Variants in CARD8 observed in about 807,000 individuals in gnomAD.
CARD8 encodes caspase recruitment domain family member 8, also known as caspase recruitment domain-containing protein 8.
A neutral mutation model predicts 53.2 loss-of-function variants in CARD8; 38 were observed. That is an observed-to-expected ratio of 0.71 (90% CI 0.55 to 0.94). CARD8 has a LOEUF of 0.94. Ranked by LOEUF, CARD8 falls within the 40% of genes least tolerant of loss-of-function variation. The pLI is 0.00. For synonymous variants in CARD8, 245 were observed against 244.9 expected (o/e 1.00, Z 0.00); for missense variants, 561 against 655.5 (o/e 0.86, Z 1.57).
chr19:48,238,518 C>T lies in CARD8; in HGVS notation c.74G>A (p.Ser25Asn). Residue 25 changes from serine (S) to asparagine (N), a missense_variant, in exon 5 of 14, where the codon AGT becomes AAT. Physicochemically the swap from Ser to Asn is conservative, Grantham distance 46. Transcript: ENST00000651546. The stretch of plus-strand genomic sequence containing the variant: ...GAGTTTGGATGCATCTATGTTCCTA[C>T]TGGATCCACTGTCCCTGGGAAAACA... ...EELPRRDSGS[S>N]RNIDASKLIR... is the part of the protein sequence containing the mutation. 1 of 1,536,446 alleles carries T rather than the reference C, an allele frequency of 6.5e-7. No individual in the cohort carries two copies. The highest frequency in any genetic ancestry group is 8.7e-7 in the Non-Finnish European group (1 of 1,146,976).
chr19:48,220,738 C>T (rs550629497), intron 11 of CARD8, among the ~76,000 whole-genome samples: 1 of 151,946 alleles, frequency 6.6e-6, no homozygotes, highest in Non-Finnish European at 1.5e-5. Flanking sequence ...ATGGTGAAAC[C>T]CCGTCTCTAC....
intron 10 of CARD8, among the ~76,000 whole-genome samples, chr19:48,226,053 C>CAAAAAAAA (rs35050640): frequency 3.8e-5 from 3 of 78,472 alleles, no homozygotes; most frequent in South Asian, 4.6e-4. Context: ...GACTCCGTCT[C>CAAAAAAAA]AAAAAAAAAA....
downstream of CARD8, chr19:48,204,312 G>A (rs904599432): frequency 3.4e-5 from 14 of 407,498 alleles, no homozygotes; most frequent in African/African-American, 2.0e-4. Flanking sequence ...GGGAACTGGA[G>A]GGATGGAGGG....
At chr19:48,207,740 T>TTTTTTTTTTGTTTTTG (rs1568595804), downstream of CARD8, among the ~76,000 whole-genome samples, 8 of 96,764 alleles carry the variant, frequency 8.3e-5, no homozygotes, top group African/African-American at 3.0e-4. Flanking sequence ...TTCTGTTTTT[T>TTTTTTTTTTGTTTTTG]TTTTTTTTTT....
chr19:48,236,333 G>A (rs112854952), intron 5 of CARD8, among the ~76,000 whole-genome samples: 29,270 of 151,826 alleles, frequency 0.19, 3,559 homozygotes, highest in Non-Finnish European at 0.28. Context: ...CTGCCTCAGC[G>A]TCCCCAATAG....
intron 6 of CARD8, chr19:48,233,670 C>A (rs1024660014): frequency 4.0e-6 from 1 of 252,022 alleles, no homozygotes; most frequent in South Asian, 4.1e-5. Context: ...CAGCGCTGAA[C>A]TGCAGACAGC....
At chr19:48,251,476 A>T (rs1276168546) in intron 1 of CARD8, among the ~76,000 whole-genome samples, 3 of 152,156 alleles carry the variant, frequency 2.0e-5, no homozygotes, top group Non-Finnish European at 4.4e-5. Flanking sequence ...GATCACCAAC[A>T]TGCTAATCTA....
At chr19:48,206,234 C>CT, downstream of CARD8, 1 of 328,940 alleles carries the variant, frequency 3.0e-6, no homozygotes, top group East Asian at 8.3e-5. Context: ...TTTTGGGAGA[C>CT]TGGGGGAGTT....
At chr19:48,247,180 T>C (rs950051084) in intron 3 of CARD8, among the ~76,000 whole-genome samples, 2 of 151,984 alleles carry the variant, frequency 1.3e-5, no homozygotes, top group African/African-American at 2.4e-5. Flanking sequence ...AAAAATTACC[T>C]GGGTGTGGTG....
intron 3 of CARD8, among the ~76,000 whole-genome samples, chr19:48,246,871 A>G (rs1373663077): frequency 6.6e-6 from 1 of 152,236 alleles, no homozygotes; most frequent in Non-Finnish European, 1.5e-5. Context: ...CCTGCTATTC[A>G]TTATATGGAT....
In CARD8 at chr19:48,231,700, C is replaced by T. The variant is rs758870156; in HGVS notation, c.502G>A (p.Val168Met). ...CTCTTATCAATCAACTCAACATCCA[C>T]ATTTCCTTCAGGCCCCAGAAACTGA... The part of the protein sequence containing the change: ...NRQFLGPEGN[V>M]DVELIDKSTN... Residue 168 changes from valine (V) to methionine (M), a missense_variant, in exon 8 of 14, where the codon GTG (valine) becomes ATG (methionine). By Grantham distance (21) the Val-to-Met change is conservative (BLOSUM62 1). Transcript: ENST00000651546. 2.5e-6 allele frequency: 4 copies of T among 1,611,674 alleles called. No homozygotes were observed. Among genetic ancestry groups the T allele is most frequent in the East Asian group, 2.2e-5 (1 of 44,844 alleles).
At chr19:48,206,153 C>T (rs1289672835), downstream of CARD8, among the ~76,000 whole-genome samples, 1 of 152,162 alleles carries the variant, frequency 6.6e-6, no homozygotes, top group Non-Finnish European at 1.5e-5. Flanking sequence ...CCGCCTCAGC[C>T]TCCCAGAGTG....
intron 3 of CARD8, among the ~76,000 whole-genome samples, chr19:48,248,139 T>C (rs1437264597): frequency 6.6e-6 from 1 of 152,210 alleles, no homozygotes; most frequent in African/African-American, 2.4e-5. Flanking sequence ...TTACATTCTT[T>C]AAAGTTCAAA....
chr19:48,232,200 G>A (rs1439053663), intron 7 of CARD8: 1 of 586,928 alleles, frequency 1.7e-6, no homozygotes, highest in African/African-American at 1.9e-5. Flanking sequence ...AGGCGAAAGA[G>A]CGTGCATCCT....
Position 48,215,373 on chromosome 19 carries a change from G to C in CARD8, c.1315C>G (p.Leu439Val). The change falls in exon 13 of 14, where the codon CTT (leucine) becomes GTT (valine). Residue 439 changes from leucine (L) to valine (V), a missense_variant. By Grantham distance (32) the Leu-to-Val change is conservative. Transcript: ENST00000651546. ...DTEVKPVDLQ[L>V]VAASAPPPFS... ...GGAGGAGGGGCTGATGCAGCTACAA[G>C]CTGGAGATCCACTACAAAAGAGGGA... is the stretch of plus-strand genomic sequence containing the variant. 6.2e-7 allele frequency: 1 copy of C among 1,610,396 alleles called. No homozygotes were observed. The highest frequency in any genetic ancestry group is 8.5e-7 in the Non-Finnish European group (1 of 1,176,858).
At chr19:48,252,392 G>A (rs1375805764) in intron 1 of CARD8, among the ~76,000 whole-genome samples, 1 of 151,530 alleles carries the variant, frequency 6.6e-6, no homozygotes, top group African/African-American at 2.4e-5. Flanking sequence ...TGGGTAAAAC[G>A]TATGTATATG....
chr19:48,243,772 T>G (rs971600091), intron 3 of CARD8, among the ~76,000 whole-genome samples: 13 of 152,298 alleles, frequency 8.5e-5, no homozygotes, highest in Admixed American at 3.3e-4. Flanking sequence ...GATCCCTTGA[T>G]CCCAGGAGAT....
At position 48,230,544 on chromosome 19, in the gene CARD8, C is replaced by A. The variant is rs1375869627; in HGVS notation, c.929G>T (p.Arg310Leu). Residue 310 changes from arginine to leucine, a missense_variant, in exon 10 of 14, where the codon CGC becomes CTC. Arg to Leu is a moderately radical substitution (Grantham distance 102). Transcript: ENST00000651546. ...GILLRIASGT[R>L]LSIPITSNTL... ...GTTGGAAGTGATGGGGATGGAGAGGCGAGTCCCACTGGCGATCCGCAGCAG... is the reference window on the plus strand; with the variant it reads ...GTTGGAAGTGATGGGGATGGAGAGGAGAGTCCCACTGGCGATCCGCAGCAG... 1 of 1,614,108 alleles carries A rather than the reference C, an allele frequency of 6.2e-7. No homozygotes were observed. Among genetic ancestry groups the A allele is most frequent in the Non-Finnish European group, 8.5e-7 (1 of 1,180,010 alleles).
At chr19:48,233,317 T>G (rs2043250759) in intron 6 of CARD8, 1 of 456,250 alleles carries the variant, frequency 2.2e-6, no homozygotes, top group Non-Finnish European at 4.4e-6. Flanking sequence ...CTGCCTTTGA[T>G]CCATTCCTTG....
Sources: gnomAD v4.1 joint callset for allele counts (sites outside exome capture counted in the v4.1 genomes callset) on GRCh38, gnomAD v4.1.1 for gene constraint, MANE v1.5 for transcripts, NCBI Gene and HGNC (gene_info 2026-07-23, HGNC 2026-07-21) for gene names.